MAD1L1: variants seen among roughly 807,000 people sequenced by gnomAD.
MAD1L1 encodes the protein mitotic spindle assembly checkpoint protein MAD1.
A neutral mutation model predicts 96.9 loss-of-function variants in MAD1L1; 95 were observed. The ratio of observed to expected loss-of-function variants is 0.98; its 90% confidence interval spans 0.83 to 1.16. MAD1L1 has a LOEUF of 1.16. MAD1L1 is among the 50% of genes most tolerant of loss of function. The pLI is 0.00. For synonymous variants in MAD1L1, 473 were observed against 396.6 expected (o/e 1.19, Z -2.29); for missense variants, 1,007 against 954.4 (o/e 1.06, Z -0.73).
At chr7:1,964,994 C>T (rs995620716) in intron 15 of MAD1L1, among the ~76,000 whole-genome samples, 1 of 152,208 alleles carries the variant, frequency 6.6e-6, no homozygotes, top group East Asian at 1.9e-4. Context: ...GACCCCTGCA[C>T]TGCCCGCCAG....
At chr7:2,098,032 G>A (rs190656002) in intron 11 of MAD1L1, among the ~76,000 whole-genome samples, 3 of 152,330 alleles carry the variant, frequency 2.0e-5, no homozygotes, top group Non-Finnish European at 4.4e-5. Flanking sequence ...ACCTCCAGCG[G>A]GAGGAAGGCA....
intron 11 of MAD1L1, among the ~76,000 whole-genome samples, chr7:2,117,754 G>A (rs1787783866): frequency 6.6e-6 from 1 of 152,134 alleles, no homozygotes; most frequent in Admixed American, 6.5e-5. Flanking sequence ...CCGAGTCTCG[G>A]GTATGTCTTC....
At chr7:2,129,454 A>C (rs1443490164) in intron 11 of MAD1L1, among the ~76,000 whole-genome samples, 4 of 152,178 alleles carry the variant, frequency 2.6e-5, no homozygotes, top group Admixed American at 2.0e-4. Flanking sequence ...CCTGCTAGGC[A>C]GCGCCCCTCC....
intron 11 of MAD1L1, among the ~76,000 whole-genome samples, chr7:2,145,212 C>T (rs992044991): frequency 4.6e-5 from 7 of 152,164 alleles, no homozygotes; most frequent in Non-Finnish European, 5.9e-5. Flanking sequence ...AACGTCATCC[C>T]GCTGAATCCT....
chr7:1,818,107 T>C (rs1435890907), intron 18 of MAD1L1, among the ~76,000 whole-genome samples: 1 of 152,148 alleles, frequency 6.6e-6, no homozygotes, highest in East Asian at 1.9e-4. Context: ...ATCCTTTCAC[T>C]TCTGCCTTCT....
At chr7:2,034,476 A>G (rs1783376047) in intron 12 of MAD1L1, among the ~76,000 whole-genome samples, 2 of 152,192 alleles carry the variant, frequency 1.3e-5, no homozygotes, top group East Asian at 3.8e-4. Flanking sequence ...TCAGCCTCCC[A>G]AAGTGCTAGG....
chr7:2,067,762 A>G (rs1254308299), intron 12 of MAD1L1, among the ~76,000 whole-genome samples: 4 of 152,164 alleles, frequency 2.6e-5, no homozygotes, highest in African/African-American at 7.2e-5. Flanking sequence ...CTCCACACAC[A>G]CTTTCGCAAA....
rs750855590 is a variant in MAD1L1 at position 2,184,894 on chromosome 7, C to T, written c.986+28318G>A. On this transcript the variant is annotated intron_variant, in intron 10 of 18. Transcript: ENST00000265854. ...GCGCACGCCTGTAATCCCAGCTAGT[C>T]GGGAGGCTGAGGCAGGAGACTCACT... is the stretch of plus-strand genomic sequence containing the variant. Among the ~76,000 whole-genome samples the T allele has an allele frequency of 1.8e-4, 28 of 151,908 alleles. No individual in the cohort carries two copies. The East Asian group carries it at 2.5e-3, about 14-fold the overall frequency.
intron 15 of MAD1L1, among the ~76,000 whole-genome samples, chr7:1,976,014 C>T (rs755548867): frequency 2.0e-5 from 3 of 152,234 alleles, no homozygotes; most frequent in African/African-American, 4.8e-5. Context: ...TGAAAGGGCT[C>T]CTCAGCTGCT....
At chr7:1,954,243 T>C (rs1779628399) in intron 16 of MAD1L1, among the ~76,000 whole-genome samples, 2 of 151,988 alleles carry the variant, frequency 1.3e-5, no homozygotes, top group Non-Finnish European at 2.9e-5. Context: ...CCAGGAGCCA[T>C]CACCGGAGAT....
intron 14 of MAD1L1, among the ~76,000 whole-genome samples, chr7:1,986,606 G>C (rs1420332753): frequency 6.6e-6 from 1 of 152,102 alleles, no homozygotes; most frequent in Non-Finnish European, 1.5e-5. Flanking sequence ...GCTTCCCCGG[G>C]GATGTGTCTG....
rs571931995 is a variant in MAD1L1, at chr7:1,941,928, A to C, written c.1597-5031T>G. Among the ~76,000 whole-genome samples the C allele has an allele frequency of 9.2e-5, 14 of 152,226 alleles. No homozygotes were observed. In the South Asian group the frequency reaches 1.9e-3, roughly 20 times the overall value. Reference sequence around the variant, plus strand: ...TCCAGGCACCTAGTCGTCTTTCTGTAAGTTCAGGGGACTTTCCCTGCCTAA... The same window carrying C: ...TCCAGGCACCTAGTCGTCTTTCTGTCAGTTCAGGGGACTTTCCCTGCCTAA... On this transcript the variant is annotated intron_variant, in intron 16 of 18. Coordinates refer to ENST00000265854, the MANE Select transcript of MAD1L1 (RefSeq NM_001013836.2).
chr7:1,864,508 T>C (rs1271207628), intron 18 of MAD1L1, among the ~76,000 whole-genome samples: 1 of 152,200 alleles, frequency 6.6e-6, no homozygotes, highest in Non-Finnish European at 1.5e-5. Context: ...AAGGGTGGAT[T>C]TGCAAAGTCC....
intron 18 of MAD1L1, among the ~76,000 whole-genome samples, chr7:1,889,629 A>G (rs1046360611): frequency 3.3e-5 from 5 of 152,252 alleles, no homozygotes; most frequent in Admixed American, 2.6e-4. Context: ...CAACAGGCTC[A>G]GCCATGCGGC....
intron 17 of MAD1L1, among the ~76,000 whole-genome samples, chr7:1,923,342 A>G (rs531469046): frequency 6.6e-6 from 1 of 152,208 alleles, no homozygotes; most frequent in African/African-American, 2.4e-5. Context: ...AGTGAGCACA[A>G]GACGCACACA....
At chr7:1,984,101 A>G (rs1444695671) in intron 14 of MAD1L1, among the ~76,000 whole-genome samples, 2 of 152,240 alleles carry the variant, frequency 1.3e-5, no homozygotes, top group African/African-American at 4.8e-5. Context: ...GGCTCTGATG[A>G]GAAGTGTTTT....
At chr7:1,926,121 C>T (rs1789074669) in intron 17 of MAD1L1, among the ~76,000 whole-genome samples, 2 of 152,134 alleles carry the variant, frequency 1.3e-5, no homozygotes, top group Admixed American at 1.3e-4. Flanking sequence ...GAGGCAAGAG[C>T]ACAGACAATT....
chr7:2,164,408 C>T (rs1411190537), intron 10 of MAD1L1, among the ~76,000 whole-genome samples: 1 of 152,184 alleles, frequency 6.6e-6, no homozygotes, highest in African/African-American at 2.4e-5. Context: ...AGGAGCTCTG[C>T]GCTGAGGGCA....
intron 15 of MAD1L1, among the ~76,000 whole-genome samples, chr7:1,963,637 G>T (rs1230367664): frequency 6.6e-6 from 1 of 152,206 alleles, no homozygotes; most frequent in Non-Finnish European, 1.5e-5. Context: ...TCTGCTTCCT[G>T]CTTGTACGGC....
Sources: allele counts gnomAD v4.1 joint callset (sites outside exome capture counted in the v4.1 genomes callset), GRCh38; gene constraint gnomAD v4.1.1; transcripts MANE v1.5; gene names NCBI Gene and HGNC (gene_info 2026-07-23, HGNC 2026-07-21).